Variants in CASP10 observed in about 807,000 individuals in gnomAD.
CASP10 encodes the protein caspase-10.
In CASP10, 41 loss-of-function variants were observed where a neutral mutation model predicts 48.5. The ratio of observed to expected loss-of-function variants is 0.85; its 90% confidence interval spans 0.66 to 1.10. CASP10 has a LOEUF of 1.10. Among genes scored for constraint, CASP10 ranks in the 50% least tolerant of loss-of-function variants. The pLI, the probability that CASP10 is intolerant of heterozygous loss-of-function variation, is 0.00. For missense variants in CASP10, 614 were observed against 614.5 expected (o/e 1.00, Z 0.01); for synonymous variants, 232 against 238.4 (o/e 0.97, Z 0.25).
chr2:201,196,622 A>G lies in CASP10; in HGVS notation c.684+674A>G, dbSNP rs539711842. On this transcript the variant is annotated intron_variant, in intron 5 of 9. Transcript: ENST00000286186. ...TCTTTGCCAACATCTGTCAGCATCA[A>G]TGAAGTTAGCTTGGTCTGGGAAATG... Among the ~76,000 whole-genome samples, 8 of 152,342 alleles carry G rather than the reference A, an allele frequency of 5.3e-5. No individual in the cohort carries two copies. In the South Asian group the frequency reaches 1.0e-3, roughly 20 times the overall value.
chr2:201,199,144 C>G (rs1285752543), intron 5 of CASP10, among the ~76,000 whole-genome samples: 1 of 152,124 alleles, frequency 6.6e-6, no homozygotes, highest in Non-Finnish European at 1.5e-5. Flanking sequence ...ACATCATGGC[C>G]TTTTACTCCT....
At chr2:201,204,048 G>T (rs149511459) in intron 6 of CASP10, among the ~76,000 whole-genome samples, 1 of 152,210 alleles carries the variant, frequency 6.6e-6, no homozygotes, top group African/African-American at 2.4e-5. Context: ...TCAGAATTAG[G>T]CCACCCTCTG....
intron 7 of CASP10, among the ~76,000 whole-genome samples, chr2:201,207,554 C>G (rs1470911256): frequency 6.6e-6 from 1 of 152,000 alleles, no homozygotes; most frequent in Non-Finnish European, 1.5e-5. Context: ...GTCAAGAGAT[C>G]AAGACCATCC....
At position 201,205,893 on chromosome 2, in the gene CASP10, A is replaced by C. The variant is rs1312829146; in HGVS notation, c.733A>C (p.Thr245Pro). The C allele has an allele frequency of 3.1e-6, 5 of 1,608,986 alleles. No homozygotes were observed. Among genetic ancestry groups the C allele is most frequent in the Middle Eastern group, 1.6e-4 (1 of 6,072 alleles). ...ACCTCTCTTTCTAGGTAACAGAGCC[A>C]CAAATGGTGCACCAAGCCTGGTCTC... is the stretch of plus-strand genomic sequence containing the variant. ...KHAGSNGNRA[T>P]NGAPSLVSRG... The change falls in exon 7 of 10, where the codon ACA (threonine) becomes CCA (proline). Residue 245 changes from threonine to proline, a missense_variant. Physicochemically the swap from Thr to Pro is conservative, Grantham distance 38. Coordinates refer to ENST00000286186, the MANE Select transcript of CASP10 (RefSeq NM_032977.4).
Position 201,203,770 on chromosome 2 carries a change from G to A in CASP10, c.721+4G>A. On this transcript the variant is annotated splice_donor_region_variant and intron_variant, in intron 6 of 9. Coordinates refer to ENST00000286186, the MANE Select transcript of CASP10 (RefSeq NM_032977.4). ...AATAAGCATGCAGGTAGTAATGGTA[G>A]GTATTTCTAATGTACTTTTTACAAC... The A allele has an allele frequency of 6.2e-7, 1 of 1,612,108 alleles. No individual in the cohort carries two copies. The highest frequency in any genetic ancestry group is 1.1e-5 in the South Asian group (1 of 91,042).
rs1945646699 is a variant in CASP10, at chr2:201,218,670, G to A, written c.*929G>A. The A allele has an allele frequency of 3.0e-5, 30 of 985,388 alleles. No homozygotes were observed. The South Asian group carries it at 1.1e-3, about 36-fold the overall frequency. 61.0% of individuals were successfully genotyped at this position (985,388 alleles called of 1,614,324 possible). A position where few individuals can be genotyped will look rare whatever the true frequency, so the allele number is the denominator to read the frequency against. On this transcript the variant is annotated 3_prime_UTR_variant, in exon 10 of 10. Coordinates refer to ENST00000286186, the MANE Select transcript of CASP10 (RefSeq NM_032977.4). ...ACGTTCTTAGCCTAGATTGAGCTTA[G>A]ATTGCCTCTCTAGACAACTACCCCT...
chr2:201,218,845 C>T lies in CASP10; in HGVS notation c.*1104C>T. 5.1e-6 allele frequency: 5 copies of T among 985,422 alleles called. No homozygotes were observed. Among genetic ancestry groups the T allele is most frequent in the Non-Finnish European group, 6.0e-6 (5 of 829,934 alleles). The allele number at this position is 985,422 out of a possible 1,614,324, so 61.0% of individuals were successfully genotyped here. A position where few individuals can be genotyped will look rare whatever the true frequency, so the allele number is the denominator to read the frequency against. On this transcript the variant is annotated 3_prime_UTR_variant, in exon 10 of 10. Transcript: ENST00000286186. ...AATTTGGTCTATGCCAGGCCCATTT[C>T]CTGCTTTTGTGTAAGGAAGGTGCTC... is the stretch of plus-strand genomic sequence containing the variant.
intron 2 of CASP10, 50 bp from the exon 3 acceptor site, chr2:201,187,656 G>A (rs1337496362): frequency 1.6e-6 from 2 of 1,269,986 alleles, no homozygotes; most frequent in Non-Finnish European, 1.2e-6. Context: ...TGATTATGGT[G>A]TCCTCCACAA....
Position 201,220,319 on chromosome 2 carries a change from A to T in CASP10, c.*2578A>T. On this transcript the variant is annotated 3_prime_UTR_variant, in exon 10 of 10. Coordinates refer to ENST00000286186, the MANE Select transcript of CASP10 (RefSeq NM_032977.4). ...AATACAGATAAGACAGCTCTGGCAT[A>T]GAGGGAGGTGGGGGGGTGGGGGAAG... The T allele has an allele frequency of 1.1e-4, 15 of 138,236 alleles. No homozygotes were observed. Among genetic ancestry groups the T allele is most frequent in the South Asian group, 2.5e-4 (1 of 4,046 alleles). 8.6% of individuals were successfully genotyped at this position (138,236 alleles called of 1,614,324 possible). A position where few individuals can be genotyped will look rare whatever the true frequency, so the allele number is the denominator to read the frequency against.
chr2:201,200,415 G>A (rs769970893), intron 5 of CASP10: 141 of 1,593,906 alleles, frequency 8.8e-5, no homozygotes, highest in Admixed American at 1.3e-4. Context: ...GCATTCTACT[G>A]TAAAGAAGGA....
At position 201,219,559 on chromosome 2, in the gene CASP10, A is replaced by C. The variant is rs1386425052; in HGVS notation, c.*1818A>C. The C allele has an allele frequency of 1.0e-6, 1 of 985,354 alleles. No homozygotes were observed. Among genetic ancestry groups the C allele is most frequent in the African/African-American group, 1.7e-5 (1 of 57,228 alleles). 61.0% of individuals were successfully genotyped at this position (985,354 alleles called of 1,614,324 possible). On this transcript the variant is annotated 3_prime_UTR_variant, in exon 10 of 10. Coordinates refer to ENST00000286186, the MANE Select transcript of CASP10 (RefSeq NM_032977.4). ...CCTCTGGCCCAAGGCATGAGGAGAG[A>C]GGCTGTGTCAGAAACTGAAGCTGTT... is the stretch of plus-strand genomic sequence containing the variant.
Position 201,218,001 on chromosome 2 carries a change from C to T in CASP10, c.*260C>T. ...CAATCACGGCTCACTGTAGTCTCGA[C>T]CTCCCAGGCTCAAGCTGTCCTCCCG... On this transcript the variant is annotated 3_prime_UTR_variant, in exon 10 of 10. Coordinates refer to ENST00000286186, the MANE Select transcript of CASP10 (RefSeq NM_032977.4). 1 of 968,594 alleles carries T rather than the reference C, an allele frequency of 1.0e-6. No homozygotes were observed. Among genetic ancestry groups the T allele is most frequent in the South Asian group, 1.7e-5 (1 of 58,154 alleles). The allele number at this position is 968,594 out of a possible 1,614,324, so 60.0% of individuals were successfully genotyped here.
Position 201,201,473 on chromosome 2 carries a change from A to AACAC in CASP10, c.685-2238_685-2235dup, listed in dbSNP as rs41484150. Among the ~76,000 whole-genome samples the AACAC allele has an allele frequency of 2.7e-3, 406 of 149,718 alleles. 4 individuals are homozygous for AACAC. Among genetic ancestry groups the AACAC allele is most frequent in the East Asian group, 0.017 (89 of 5,106 alleles). ...GCTCAGATACTGACATGCATGTAGAAACACACACACACACACACACACGAT... is the reference window on the plus strand; with the variant it reads ...GCTCAGATACTGACATGCATGTAGAAACACACACACACACACACACACACACGAT... On this transcript the variant is annotated intron_variant, in intron 5 of 9. Transcript: ENST00000286186.
intron 5 of CASP10, among the ~76,000 whole-genome samples, chr2:201,198,057 T>G (rs2126027076): frequency 6.6e-6 from 1 of 152,266 alleles, no homozygotes; most frequent in African/African-American, 2.4e-5. Context: ...CTAATGGAAG[T>G]GAGGTCCTAT....
intron 4 of CASP10, chr2:201,193,335 G>A (rs941305021): frequency 9.5e-6 from 4 of 422,686 alleles, no homozygotes; most frequent in African/African-American, 2.1e-5. Flanking sequence ...AACCTCCCGA[G>A]TAGCTGGGAT....
At chr2:201,188,786 C>G (rs1359573891) in intron 3 of CASP10, among the ~76,000 whole-genome samples, 1 of 151,944 alleles carries the variant, frequency 6.6e-6, no homozygotes, top group Non-Finnish European at 1.5e-5. Context: ...GATTTTCTCT[C>G]TCTTTTTCTT....
chr2:201,195,332 T>A (rs1944753264), intron 4 of CASP10, among the ~76,000 whole-genome samples: 1 of 151,782 alleles, frequency 6.6e-6, no homozygotes, highest in African/African-American at 2.4e-5. Flanking sequence ...CCTCAAGTGA[T>A]CTGTGTGGGG....
exon 10 of CASP10, chr2:201,229,037 C>A (rs148642010): frequency 1.2e-6 from 2 of 1,614,088 alleles, no homozygotes; most frequent in Non-Finnish European, 1.7e-6. Flanking sequence ...GCCATCTCTG[C>A]GCAGACACCT....
Position 201,219,081 on chromosome 2 carries a change from C to A in CASP10, c.*1340C>A. Reference sequence around the variant, plus strand: ...GGTCAGGAGTTCGAGACCAGCCTGGCCAATACGGCAAAACCTCATCATTAC... The same window carrying A: ...GGTCAGGAGTTCGAGACCAGCCTGGACAATACGGCAAAACCTCATCATTAC... On this transcript the variant is annotated 3_prime_UTR_variant, in exon 10 of 10. Coordinates refer to ENST00000286186, the MANE Select transcript of CASP10 (RefSeq NM_032977.4). The A allele has an allele frequency of 1.4e-6, 1 of 690,218 alleles. No homozygotes were observed. Among genetic ancestry groups the A allele is most frequent in the Non-Finnish European group, 1.8e-6 (1 of 560,370 alleles). 42.8% of individuals were successfully genotyped at this position (690,218 alleles called of 1,614,324 possible).
Sources: gnomAD v4.1 joint callset for allele counts (sites outside exome capture counted in the v4.1 genomes callset) on GRCh38, gnomAD v4.1.1 for gene constraint, MANE v1.5 for transcripts, NCBI Gene and HGNC (gene_info 2026-07-23, HGNC 2026-07-21) for gene names.